Variants in SRRM4 observed in about 807,000 individuals in gnomAD.
The protein encoded by SRRM4 is serine/arginine repetitive matrix 4, also known as serine/arginine repetitive matrix protein 4.
Under a neutral mutation model 68.9 loss-of-function variants are expected in SRRM4, and 33 were observed. That is an observed-to-expected ratio of 0.48 (90% CI 0.36 to 0.64). SRRM4 has a LOEUF of 0.64. SRRM4 is among the 30% of genes least tolerant of loss of function. The probability of loss-of-function intolerance (pLI) is 0.00; values close to 1 mark genes in which losing one functional copy is unlikely to be tolerated. For synonymous variants in SRRM4, 318 were observed against 318.8 expected, an observed-to-expected ratio of 1.00 and a Z score of 0.03; for missense variants, 817 against 827.1, an observed-to-expected ratio of 0.99 and a Z score of 0.15.
At chr12:119,045,461 C>T (rs1273221671) in intron 1 of SRRM4, among the ~76,000 whole-genome samples, 1 of 151,018 alleles carries the variant, frequency 6.6e-6, no homozygotes. Context: ...CTATGCCCCA[C>T]ATTCCCCTTC....
chr12:119,161,622 C>T lies in SRRM4; in HGVS notation c.*4824C>T, dbSNP rs1954514375. Reference sequence around the variant, plus strand: ...GGGAAAAGAGAAGGACCACCTCTTTCCCTGAATTGCTATTGAGAATTGGTC... The same window carrying T: ...GGGAAAAGAGAAGGACCACCTCTTTTCCTGAATTGCTATTGAGAATTGGTC... On this transcript the variant is annotated 3_prime_UTR_variant, in exon 13 of 13. Coordinates refer to ENST00000267260, the MANE Select transcript of SRRM4 (RefSeq NM_194286.4). The T allele has an allele frequency of 6.6e-6, 1 of 152,514 alleles. No individual in the cohort carries two copies. The highest frequency in any genetic ancestry group is 1.5e-5 in the Non-Finnish European group (1 of 68,030). 9.4% of individuals were successfully genotyped at this position (152,514 alleles called of 1,614,324 possible). A position where few individuals can be genotyped will look rare whatever the true frequency, so the allele number is the denominator to read the frequency against.
chr12:119,081,172 G>A (rs555404887), intron 1 of SRRM4, among the ~76,000 whole-genome samples: 10 of 152,150 alleles, frequency 6.6e-5, no homozygotes, highest in African/African-American at 9.6e-5. Flanking sequence ...TAAGGGGCTC[G>A]TCCAATAAAC....
intron 1 of SRRM4, among the ~76,000 whole-genome samples, chr12:119,032,507 C>T (rs1156766485): frequency 6.6e-6 from 1 of 152,038 alleles, no homozygotes; most frequent in Non-Finnish European, 1.5e-5. Context: ...TCTTATTTGA[C>T]TTTTTGGAAT....
intron 1 of SRRM4, chr12:119,001,307 C>G (rs1046564372): frequency 3.9e-5 from 6 of 152,220 alleles, no homozygotes; most frequent in Admixed American, 3.9e-4. Flanking sequence ...CAACACTCCT[C>G]TTTAAATTTC....
chr12:119,138,328 C>G (rs1269841311), intron 8 of SRRM4, among the ~76,000 whole-genome samples: 1 of 152,166 alleles, frequency 6.6e-6, no homozygotes, highest in East Asian at 1.9e-4. Context: ...CACCGGTTTT[C>G]CAGTGTTGAC....
chr12:119,156,955 C>T lies in SRRM4; in HGVS notation c.*157C>T. ...AGAGGAGAAGAGGGTAAGGGGGCTT[C>T]ACTCTCTAGATCAGCCTGCTAGGAG... On this transcript the variant is annotated 3_prime_UTR_variant, in exon 13 of 13. Coordinates refer to ENST00000267260, the MANE Select transcript of SRRM4 (RefSeq NM_194286.4). The T allele has an allele frequency of 6.5e-6, 6 of 916,552 alleles. No individual in the cohort carries two copies. The highest frequency in any genetic ancestry group is 9.6e-6 in the Non-Finnish European group (6 of 627,556). The allele number at this position is 916,552 out of a possible 1,614,324, so 56.8% of individuals were successfully genotyped here. A position where few individuals can be genotyped will look rare whatever the true frequency, so the allele number is the denominator to read the frequency against.
At chr12:119,125,295 C>G in intron 6 of SRRM4, 86 bp from the exon 7 acceptor site, 3 of 1,241,064 alleles carry the variant, frequency 2.4e-6, no homozygotes, top group Non-Finnish European at 3.5e-6. Flanking sequence ...AAAGGAAAAA[C>G]GGGTGTCACA....
rs140451234 is a variant in SRRM4 at position 119,008,682 on chromosome 12, G to A, written c.131+26669G>A. Among the ~76,000 whole-genome samples the A allele has an allele frequency of 1.1e-3, 174 of 152,134 alleles. 1 individual carries two copies. The highest frequency in any genetic ancestry group is 4.0e-3 in the African/African-American group (168 of 41,516). On this transcript the variant is annotated intron_variant, in intron 1 of 12. Coordinates refer to ENST00000267260, the MANE Select transcript of SRRM4 (RefSeq NM_194286.4). ...ATTCTTTTCCTCACCTCCAGCTCCC[G>A]GTGAGAACGCATGTTTATCTCCTGA...
Position 119,156,625 on chromosome 12 carries a change from C to T in SRRM4, c.1663C>T (p.Arg555Trp). 6.3e-7 allele frequency: 1 copy of T among 1,598,472 alleles called. No homozygotes were observed. Among genetic ancestry groups the T allele is most frequent in the South Asian group, 1.1e-5 (1 of 87,766 alleles). The change falls in exon 13 of 13, where the codon CGG (arginine) becomes TGG (tryptophan). Residue 555 changes from arginine (R) to tryptophan (W), a missense_variant. Physicochemically the swap from Arg to Trp is moderately radical, Grantham distance 101. Coordinates refer to ENST00000267260, the MANE Select transcript of SRRM4 (RefSeq NM_194286.4). Reference sequence around the variant, plus strand: ...CCGCAGCTACTCCCGGAGCCGGAGTCGGAGCCGGAGCCGGAGACGGAGCCG... The same window carrying T: ...CCGCAGCTACTCCCGGAGCCGGAGTTGGAGCCGGAGCCGGAGACGGAGCCG... ...ASRSYSRSRSRSRSRRRSRTR... is the reference protein window; with the variant it reads ...ASRSYSRSRSWSRSRRRSRTR...
chr12:118,985,071 A>G (rs1234742075), intron 1 of SRRM4, among the ~76,000 whole-genome samples: 2 of 152,200 alleles, frequency 1.3e-5, no homozygotes, highest in Non-Finnish European at 2.9e-5. Context: ...TAGTGGCCAA[A>G]AGGAAAGCAA....
chr12:119,138,660 T>C (rs1954345888), intron 8 of SRRM4, among the ~76,000 whole-genome samples: 1 of 152,216 alleles, frequency 6.6e-6, no homozygotes, highest in African/African-American at 2.4e-5. Context: ...TGATAATGCA[T>C]CTTTTATTGT....
At chr12:119,082,999 G>T (rs1382624159) in intron 1 of SRRM4, among the ~76,000 whole-genome samples, 1 of 152,224 alleles carries the variant, frequency 6.6e-6, no homozygotes, top group Non-Finnish European at 1.5e-5. Flanking sequence ...CGGGGAAGGA[G>T]AGGAGGATTT....
chr12:119,121,606 G>A (rs1954219622), intron 5 of SRRM4, among the ~76,000 whole-genome samples: 1 of 152,176 alleles, frequency 6.6e-6, no homozygotes, highest in Non-Finnish European at 1.5e-5. Context: ...CAGATCCATG[G>A]CCACATCCTA....
chr12:118,990,529 A>G (rs1448357799), intron 1 of SRRM4, among the ~76,000 whole-genome samples: 1 of 152,100 alleles, frequency 6.6e-6, no homozygotes, highest in Non-Finnish European at 1.5e-5. Flanking sequence ...GATTGCTAGT[A>G]TATTCTTCTC....
At chr12:119,135,536 CCT>C (rs1954322862) in intron 8 of SRRM4, among the ~76,000 whole-genome samples, 1 of 152,054 alleles carries the variant, frequency 6.6e-6, no homozygotes, top group Admixed American at 6.5e-5. Context: ...ATCTGGGCAC[CCT>C]GGAGTTCTTG....
chr12:119,145,976 G>A lies in SRRM4; in HGVS notation c.1076+291G>A, dbSNP rs552681824. ...CTCAAGCAGATCCTCCCAAAGCATT[G>A]TCAAATATGCCAAGCAGCTAACATT... On this transcript the variant is annotated intron_variant, in intron 9 of 12. Transcript: ENST00000267260. Among the ~76,000 whole-genome samples, 7 of 152,244 alleles carry A rather than the reference G, an allele frequency of 4.6e-5. No homozygotes were observed. In the South Asian group the frequency reaches 1.5e-3, roughly 32 times the overall value.
intron 1 of SRRM4, among the ~76,000 whole-genome samples, chr12:119,002,210 A>G (rs577214519): frequency 6.6e-6 from 1 of 152,100 alleles, no homozygotes; most frequent in South Asian, 2.1e-4. Context: ...GCTGATTGCG[A>G]AAAGAAAAGA....
At chr12:119,113,869 C>T (rs1354395852) in intron 2 of SRRM4, among the ~76,000 whole-genome samples, 2 of 152,248 alleles carry the variant, frequency 1.3e-5, no homozygotes, top group Admixed American at 1.3e-4. Context: ...ACTTAACATA[C>T]CTTCCGCCTG....
At chr12:119,153,956 C>T (rs1034437370) in intron 11 of SRRM4, among the ~76,000 whole-genome samples, 2 of 152,054 alleles carry the variant, frequency 1.3e-5, no homozygotes, top group Non-Finnish European at 2.9e-5. Context: ...CCAGGGCCTG[C>T]GTAACATTCA....
Sources: allele counts gnomAD v4.1 joint callset (sites outside exome capture counted in the v4.1 genomes callset), GRCh38; gene constraint gnomAD v4.1.1; transcripts MANE v1.5; gene names NCBI Gene and HGNC (gene_info 2026-07-23, HGNC 2026-07-21).